Variants in PSMA6 observed in about 807,000 individuals in gnomAD.
PSMA6 encodes the protein proteasome subunit alpha type-6.
For synonymous variants in PSMA6, 88 were observed against 97.7 expected (o/e 0.90, Z 0.59); for missense variants, 170 against 294.8 (o/e 0.58, Z 3.10).
At chr14:35,305,732 A>T (rs976373640) in intron 1 of PSMA6, among the ~76,000 whole-genome samples, 1 of 152,206 alleles carries the variant, frequency 6.6e-6, no homozygotes, top group African/African-American at 2.4e-5. Context: ...TAATTATTTA[A>T]AAGTTATCTT....
At chr14:35,282,679 C>T (rs2051378959) in intron 1 of PSMA6, among the ~76,000 whole-genome samples, 2 of 151,910 alleles carry the variant, frequency 1.3e-5, no homozygotes, top group South Asian at 4.1e-4. Flanking sequence ...GGTGAGATTC[C>T]CCCCATCTCT....
At chr14:35,289,118 A>C (rs1476010279), upstream of PSMA6, among the ~76,000 whole-genome samples, 1 of 152,198 alleles carries the variant, frequency 6.6e-6, no homozygotes, top group East Asian at 1.9e-4. Flanking sequence ...ACTGTCACAA[A>C]TGAATTTAAA....
intron 1 of PSMA6, among the ~76,000 whole-genome samples, chr14:35,297,119 G>GTTTTTTT (rs924383407): frequency 1.6e-5 from 1 of 62,656 alleles, no homozygotes; most frequent in Non-Finnish European, 2.9e-5. Context: ...TCTTAACAAA[G>GTTTTTTT]TTTTTTTTTT....
intron 1 of PSMA6, 42 bp from the exon 2 acceptor site, chr14:35,307,952 A>G: frequency 6.4e-7 from 1 of 1,566,208 alleles, no homozygotes; most frequent in East Asian, 2.3e-5. Context: ...AAGAATCTAC[A>G]GTAATTTATT....
intron 1 of PSMA6, among the ~76,000 whole-genome samples, chr14:35,299,327 C>CTTTTTT (rs71445906): frequency 7.6e-5 from 5 of 66,006 alleles, no homozygotes; most frequent in African/African-American, 1.2e-4. Context: ...TGCCCAGCCT[C>CTTTTTT]TTTTTTTTTT....
chr14:35,312,000 C>T lies in PSMA6; in HGVS notation c.410-881C>T, dbSNP rs117816133. On this transcript the variant is annotated intron_variant, in intron 4 of 6. Coordinates refer to ENST00000261479, the MANE Select transcript of PSMA6 (RefSeq NM_002791.3). ...ACTACTGAGTTAAAGTTAAATAGGTCAATCTACAACAGAATATTTCACAGC... is the reference window on the plus strand; with the variant it reads ...ACTACTGAGTTAAAGTTAAATAGGTTAATCTACAACAGAATATTTCACAGC... Among the ~76,000 whole-genome samples the T allele has an allele frequency of 1.5e-4, 23 of 152,174 alleles. No individual in the cohort carries two copies. In the East Asian group the frequency reaches 4.4e-3, roughly 29 times the overall value.
At chr14:35,287,026 A>G (rs2051427644) in intron 1 of PSMA6, among the ~76,000 whole-genome samples, 1 of 152,182 alleles carries the variant, frequency 6.6e-6, no homozygotes, top group Admixed American at 6.5e-5. Context: ...CTTTACCCAT[A>G]AATTATAGAA....
intron 5 of PSMA6, 67 bp from the exon 6 acceptor site, chr14:35,314,293 GC>G: frequency 7.0e-7 from 1 of 1,436,480 alleles, no homozygotes; most frequent in South Asian, 1.5e-5. Flanking sequence ...ATTTGAATAA[GC>G]TAGGAATGAG....
Position 35,310,914 on chromosome 14 carries a change from C to T in PSMA6, c.409+19C>T. On this transcript the variant is annotated intron_variant, in intron 4 of 6. Coordinates refer to ENST00000261479, the MANE Select transcript of PSMA6 (RefSeq NM_002791.3). ...GGTTGTTGTAAGTATGCTAAGAGGT[C>T]TCCCAAATAATTGATGAATTGAAAC... The T allele has an allele frequency of 6.2e-7, 1 of 1,601,256 alleles. No individual in the cohort carries two copies. Among genetic ancestry groups the T allele is most frequent in the Non-Finnish European group, 8.5e-7 (1 of 1,173,220 alleles).
chr14:35,301,696 C>G (rs2051715990), intron 1 of PSMA6, among the ~76,000 whole-genome samples: 1 of 152,094 alleles, frequency 6.6e-6, no homozygotes, highest in Non-Finnish European at 1.5e-5. Flanking sequence ...TGAATCCTGG[C>G]AAATTCACAG....
At chr14:35,314,234 G>T in intron 5 of PSMA6, 127 bp from the exon 6 acceptor site, 1 of 1,138,330 alleles carries the variant, frequency 8.8e-7, no homozygotes, top group South Asian at 2.6e-5. Flanking sequence ...CAGTCTGTTA[G>T]TAACATTGAA....
At position 35,307,601 on chromosome 14, in the gene PSMA6, G is replaced by T. The variant is rs139768516; in HGVS notation, c.77-393G>T. Among the ~76,000 whole-genome samples the T allele has an allele frequency of 8.9e-3, 1,352 of 152,256 alleles. 13 individuals carry two copies. The highest frequency in any genetic ancestry group is 0.015 in the Non-Finnish European group (1,036 of 68,032). ...ATACAAATATTAGCCAGATGTGGTG[G>T]CACGCGCCTATAATCCCAGCTACTT... On this transcript the variant is annotated intron_variant, in intron 1 of 6. Transcript: ENST00000261479.
chr14:35,292,756 G>T (rs577677523), intron 1 of PSMA6, among the ~76,000 whole-genome samples: 1 of 152,362 alleles, frequency 6.6e-6, no homozygotes, highest in South Asian at 2.1e-4. Flanking sequence ...GCCTGTCTCT[G>T]CAGGGCGAGC....
chr14:35,292,412 C>A lies in PSMA6; in HGVS notation c.-65C>A. The A allele has an allele frequency of 6.4e-7, 1 of 1,570,244 alleles. No homozygotes were observed. The highest frequency in any genetic ancestry group is 1.2e-5 in the South Asian group (1 of 85,224). ...CAGTCGCTGCAACTTCCGGGAGGTG[C>A]TTGTGTGCCTGGTGCGGGAGCTACG... On this transcript the variant is annotated 5_prime_UTR_variant, in exon 1 of 7. Transcript: ENST00000261479.
chr14:35,301,261 T>C (rs112445466), intron 1 of PSMA6, among the ~76,000 whole-genome samples: 5,683 of 152,200 alleles, frequency 0.037, 277 homozygotes, highest in Admixed American at 0.14. Context: ...TCCCAGCACT[T>C]TGGGAGGCCG....
upstream of PSMA6, among the ~76,000 whole-genome samples, chr14:35,288,914 G>A (rs1211287038): frequency 2.6e-5 from 4 of 152,134 alleles, no homozygotes; most frequent in Admixed American, 2.6e-4. Context: ...CTTTCAGTGT[G>A]GCCCAACACA....
At chr14:35,280,870 G>C (rs1014031220) in intron 1 of PSMA6, among the ~76,000 whole-genome samples, 3 of 152,186 alleles carry the variant, frequency 2.0e-5, no homozygotes, top group African/African-American at 7.2e-5. Context: ...GGGATTACAG[G>C]CATGCACCAC....
intron 1 of PSMA6, among the ~76,000 whole-genome samples, chr14:35,294,924 G>GGAT (rs2051554386): frequency 6.6e-6 from 1 of 152,106 alleles, no homozygotes; most frequent in African/African-American, 2.4e-5. Context: ...TTTAAAAATG[G>GGAT]GATGATGATG....
intron 1 of PSMA6, among the ~76,000 whole-genome samples, chr14:35,281,916 C>T (rs958533678): frequency 8.5e-5 from 13 of 152,206 alleles, no homozygotes; most frequent in Non-Finnish European, 1.3e-4. Flanking sequence ...CCTACATCCA[C>T]GCTGTTCCTT....
Sources: gnomAD v4.1 joint callset for allele counts (sites outside exome capture counted in the v4.1 genomes callset) on GRCh38, gnomAD v4.1.1 for gene constraint, MANE v1.5 for transcripts, NCBI Gene and HGNC (gene_info 2026-07-23, HGNC 2026-07-21) for gene names.